The following ROCK2 variants were observed in gnomAD, a reference collection of about 807,000 sequenced individuals.
ROCK2 encodes the protein rho-associated protein kinase 2.
Under a neutral mutation model 195.1 loss-of-function variants are expected in ROCK2, and 61 were observed. The observed-to-expected ratio is 0.31, with a 90% CI of 0.25 to 0.39. The LOEUF (loss-of-function observed/expected upper bound fraction) is 0.39, where lower values mean the gene tolerates loss of function less well. ROCK2 is among the 10% of genes least tolerant of loss of function. ROCK2 has a pLI of 1.00. For synonymous variants in ROCK2, 504 were observed against 545.5 expected, an observed-to-expected ratio of 0.92 and a Z score of 1.06; for missense variants, 1,109 against 1,637.4, an observed-to-expected ratio of 0.68 and a Z score of 5.57.
intron 1 of ROCK2, among the ~76,000 whole-genome samples, chr2:11,324,462 C>G (rs1295395003): frequency 6.8e-6 from 1 of 146,676 alleles, no homozygotes; most frequent in Admixed American, 6.9e-5. Flanking sequence ...AACTTATGTT[C>G]ACACAAAAAC....
At chr2:11,194,414 AAAT>A (rs1663547306) in intron 28 of ROCK2, 70 bp from the exon 29 acceptor site, 1 of 549,250 alleles carries the variant, frequency 1.8e-6, no homozygotes. Flanking sequence ...ATTTTTTTGA[AAAT>A]AAATTCTATA....
chr2:11,263,988 A>C (rs1360106586), intron 3 of ROCK2, among the ~76,000 whole-genome samples: 3 of 152,054 alleles, frequency 2.0e-5, no homozygotes, highest in Non-Finnish European at 4.4e-5. Context: ...ATGAAAAAAA[A>C]AAAAACATGT....
chr2:11,233,719 C>T (rs1303412376), intron 5 of ROCK2, among the ~76,000 whole-genome samples: 3 of 152,038 alleles, frequency 2.0e-5, no homozygotes, highest in Non-Finnish European at 4.4e-5. Flanking sequence ...GTAACAACAG[C>T]AAACAAAATG....
chr2:11,331,311 C>T (rs114972673), intron 1 of ROCK2, among the ~76,000 whole-genome samples: 10 of 152,228 alleles, frequency 6.6e-5, no homozygotes, highest in African/African-American at 2.2e-4. Context: ...CACCTGTGAA[C>T]AAGAACAGGC....
At chr2:11,242,703 C>T (rs1868585) in intron 4 of ROCK2, among the ~76,000 whole-genome samples, 37,571 of 152,044 alleles carry the variant, frequency 0.25, 5,351 homozygotes, top group East Asian at 0.54. Flanking sequence ...ATCTCCACCC[C>T]TTGCCTCCTT....
At chr2:11,190,518 T>C (rs1459450485) in intron 32 of ROCK2, among the ~76,000 whole-genome samples, 1 of 152,098 alleles carries the variant, frequency 6.6e-6, no homozygotes, top group African/African-American at 2.4e-5. Flanking sequence ...ATAAACTAAT[T>C]CCATATATGT....
Position 11,231,584 on chromosome 2 carries a change from G to T in ROCK2, c.723+4118C>A, listed in dbSNP as rs554532673. ...AAGGTTGCTATAAAATGCATGACAC[G>T]CAAAGAGTACACCCAACATAGCAGT... On this transcript the variant is annotated intron_variant, in intron 5 of 32. Coordinates refer to ENST00000315872, the MANE Select transcript of ROCK2 (RefSeq NM_004850.5). Among the ~76,000 whole-genome samples the T allele has an allele frequency of 7.2e-4, 109 of 152,158 alleles. 1 individual carries two copies. The highest frequency in any genetic ancestry group is 1.4e-3 in the Non-Finnish European group (98 of 67,998).
At chr2:11,326,915 C>A (rs1051192919) in intron 1 of ROCK2, among the ~76,000 whole-genome samples, 11 of 152,024 alleles carry the variant, frequency 7.2e-5, no homozygotes, top group African/African-American at 2.7e-4. Context: ...AGGGGGGAGA[C>A]CATCCGGGGA....
intron 6 of ROCK2, among the ~76,000 whole-genome samples, chr2:11,226,884 C>A (rs1222509235): frequency 7.1e-6 from 1 of 141,764 alleles, no homozygotes; most frequent in African/African-American, 2.6e-5. Context: ...GCACTCCAGC[C>A]TGGGCAACAG....
intron 1 of ROCK2, among the ~76,000 whole-genome samples, chr2:11,303,253 G>T (rs1667760454): frequency 6.6e-6 from 1 of 152,058 alleles, no homozygotes; most frequent in Non-Finnish European, 1.5e-5. Flanking sequence ...ATGTCACTTT[G>T]TCCTTATAAA....
intron 4 of ROCK2, among the ~76,000 whole-genome samples, chr2:11,244,943 C>T (rs1238858260): frequency 6.6e-6 from 1 of 151,698 alleles, no homozygotes; most frequent in Non-Finnish European, 1.5e-5. Context: ...ACCAAGAGCC[C>T]ATGTTTAAAT....
chr2:11,307,979 G>A (rs545411851), intron 1 of ROCK2: 45 of 1,487,904 alleles, frequency 3.0e-5, no homozygotes, highest in African/African-American at 5.7e-5. Flanking sequence ...CCTAGAACCC[G>A]GCCTTGCTGG....
chr2:11,220,027 T>A (rs1664579341), intron 9 of ROCK2, among the ~76,000 whole-genome samples: 1 of 151,986 alleles, frequency 6.6e-6, no homozygotes, highest in Admixed American at 6.6e-5. Context: ...TTGTTGTTGT[T>A]GTTGTTGAGA....
rs764371898 is a variant in ROCK2 at position 11,217,090 on chromosome 2, T to C, written c.1412A>G (p.Lys471Arg). The C allele has an allele frequency of 6.9e-7, 1 of 1,447,560 alleles. No individual in the cohort carries two copies. The highest frequency in any genetic ancestry group is 9.7e-7 in the Non-Finnish European group (1 of 1,030,488). The allele number at this position is 1,447,560 out of a possible 1,614,324, so 89.7% of individuals were successfully genotyped here. Residue 471 changes from lysine (K) to arginine (R), a missense_variant and splice_region_variant, in exon 12 of 33, where the codon AAA (lysine) becomes AGA (arginine). Transcript: ENST00000315872. Reference protein sequence around the residue: ...QAKEELEQKCKSVNTRLEKTA... With the variant: ...QAKEELEQKCRSVNTRLEKTA... ...ATATTTAATTATCTACAAAACATAC[T>C]TGCACTTCTGTTCCAGTTCCTCTTT...
intron 1 of ROCK2, among the ~76,000 whole-genome samples, chr2:11,312,823 C>T (rs1013570144): frequency 1.4e-4 from 21 of 152,148 alleles, no homozygotes; most frequent in African/African-American, 4.8e-4. Flanking sequence ...ACAAAAAAGA[C>T]ATGAACGAAA....
chr2:11,299,548 A>G (rs1171611050), intron 1 of ROCK2, among the ~76,000 whole-genome samples: 1 of 145,486 alleles, frequency 6.9e-6, no homozygotes, highest in African/African-American at 2.6e-5. Context: ...GTTCCACTAG[A>G]AAAAAAAAAA....
intron 27 of ROCK2, among the ~76,000 whole-genome samples, chr2:11,195,655 C>T (rs1192693587): frequency 1.3e-5 from 2 of 152,088 alleles, no homozygotes; most frequent in Non-Finnish European, 2.9e-5. Context: ...GCTGGGATTA[C>T]AGGCACGCGC....
intron 1 of ROCK2, among the ~76,000 whole-genome samples, chr2:11,337,848 G>GA (rs1165243854): frequency 6.6e-6 from 1 of 151,344 alleles, no homozygotes; most frequent in Non-Finnish European, 1.5e-5. Flanking sequence ...TCACCATGTT[G>GA]ATCAGGCTGG....
At chr2:11,309,179 A>AC (rs971832663) in intron 1 of ROCK2, among the ~76,000 whole-genome samples, 10 of 123,250 alleles carry the variant, frequency 8.1e-5, no homozygotes, top group African/African-American at 2.3e-4. Context: ...TTTACTTTCT[A>AC]TTAAAAAAAA....
Sources: allele counts gnomAD v4.1 joint callset (sites outside exome capture counted in the v4.1 genomes callset), GRCh38; gene constraint gnomAD v4.1.1; transcripts MANE v1.5; gene names NCBI Gene and HGNC (gene_info 2026-07-23, HGNC 2026-07-21).